Variants in GLDC observed in about 807,000 individuals in gnomAD.
The protein encoded by GLDC is glycine dehydrogenase (decarboxylating), mitochondrial.
A neutral mutation model predicts 121.3 loss-of-function variants in GLDC; 104 were observed. The observed-to-expected ratio is 0.86, with a 90% CI of 0.73 to 1.01. The LOEUF is 1.01. GLDC is among the 50% of genes least tolerant of loss of function. The pLI, the probability that GLDC is intolerant of heterozygous loss-of-function variation, is 0.00. For missense variants in GLDC, 1,429 were observed against 1,306.6 expected (o/e 1.09, Z -1.44); for synonymous variants, 546 against 480.6 (o/e 1.14, Z -1.78).
intron 3 of GLDC, among the ~76,000 whole-genome samples, chr9:6,612,073 T>C (rs1380155887): frequency 6.6e-6 from 1 of 152,116 alleles, no homozygotes; most frequent in Non-Finnish European, 1.5e-5. Flanking sequence ...CCATGTATTG[T>C]GTGCCTCATT....
intron 16 of GLDC, among the ~76,000 whole-genome samples, chr9:6,560,750 A>T (rs1450588159): frequency 6.6e-6 from 1 of 152,250 alleles, no homozygotes; most frequent in Non-Finnish European, 1.5e-5. Flanking sequence ...TACACTGAAT[A>T]ACGGGCTCCC....
chr9:6,633,034 T>G (rs1819421827), intron 2 of GLDC, among the ~76,000 whole-genome samples: 2 of 152,166 alleles, frequency 1.3e-5, no homozygotes, highest in Non-Finnish European at 2.9e-5. Flanking sequence ...ATAGCTCTTC[T>G]GAAATTCACT....
chr9:6,590,788 T>A (rs1818360272), intron 11 of GLDC, among the ~76,000 whole-genome samples: 1 of 152,210 alleles, frequency 6.6e-6, no homozygotes, highest in Non-Finnish European at 1.5e-5. Context: ...ATATCTGTGA[T>A]TAAATTTAGT....
chr9:6,645,306 C>G lies in GLDC; in HGVS notation c.194G>C (p.Arg65Pro). 1 of 1,596,322 alleles carries G rather than the reference C, an allele frequency of 6.3e-7. No individual in the cohort carries two copies. Among genetic ancestry groups the G allele is most frequent in the Non-Finnish European group, 8.5e-7 (1 of 1,172,942 alleles). ...RLLPRHDDFA[R>P]RHIGPGDKDQ... ...TTTGTCCCCAGGGCCGATGTGCCTCCGAGCGAAGTCGTCGTGTCTGGGCAG... is the reference window on the plus strand; with the variant it reads ...TTTGTCCCCAGGGCCGATGTGCCTCGGAGCGAAGTCGTCGTGTCTGGGCAG... Residue 65 changes from arginine (R) to proline (P), a missense_variant, in exon 1 of 25, where the codon CGG becomes CCG. Transcript: ENST00000321612.
At chr9:6,570,454 T>C (rs1224857846) in intron 15 of GLDC, among the ~76,000 whole-genome samples, 1 of 152,224 alleles carries the variant, frequency 6.6e-6, no homozygotes, top group East Asian at 1.9e-4. Flanking sequence ...CACACCATCA[T>C]AGTTTGTGCA....
chr9:6,596,073 G>A (rs566507479), intron 8 of GLDC, among the ~76,000 whole-genome samples: 1 of 152,316 alleles, frequency 6.6e-6, no homozygotes, highest in African/African-American at 2.4e-5. Context: ...ACAACAATCA[G>A]AAATAAACAC....
At position 6,605,195 on chromosome 9, in the gene GLDC, T is replaced by A; in HGVS notation, c.797A>T (p.Tyr266Phe). 2 of 1,613,680 alleles carry A rather than the reference T, an allele frequency of 1.2e-6. No individual in the cohort carries two copies. The highest frequency in any genetic ancestry group is 1.7e-6 in the Non-Finnish European group (2 of 1,179,736). Residue 266 changes from tyrosine (Y) to phenylalanine (F), a missense_variant, in exon 6 of 25, where the codon TAC becomes TTC. Physicochemically the swap from Tyr to Phe is conservative, Grantham distance 22 (BLOSUM62 3). Coordinates refer to ENST00000321612, the MANE Select transcript of GLDC (RefSeq NM_000170.3). ...TTCCACCTTCCCCTCCGTGTCTGGG[T>A]ACTGGAACAACACTCCACTGACATC... ...GKDVSGVLFQ[Y>F]PDTEGKVEDF...
At chr9:6,619,203 T>C (rs1430439282) in intron 3 of GLDC, among the ~76,000 whole-genome samples, 2 of 143,172 alleles carry the variant, frequency 1.4e-5, no homozygotes. Flanking sequence ...CTTATCTAAC[T>C]GTTGAGGTAA....
chr9:6,612,586 C>T (rs11788649), intron 3 of GLDC, among the ~76,000 whole-genome samples: 15,413 of 151,782 alleles, frequency 0.1, 921 homozygotes, highest in Admixed American at 0.14. Flanking sequence ...TCAGGCCAGG[C>T]GCAGTGGCTC....
intron 15 of GLDC, among the ~76,000 whole-genome samples, chr9:6,576,308 G>A (rs1294663203): frequency 6.6e-6 from 1 of 152,146 alleles, no homozygotes; most frequent in Non-Finnish European, 1.5e-5. Flanking sequence ...TGGTCTTGCT[G>A]TGTCCTCACA....
intron 3 of GLDC, among the ~76,000 whole-genome samples, chr9:6,610,882 G>A (rs1317013510): frequency 1.3e-5 from 2 of 152,208 alleles, no homozygotes; most frequent in Non-Finnish European, 2.9e-5. Flanking sequence ...TTATAGGCAT[G>A]AGCCACTGCA....
intron 15 of GLDC, among the ~76,000 whole-genome samples, chr9:6,582,270 G>A (rs1818184570): frequency 6.8e-6 from 1 of 147,154 alleles, no homozygotes; most frequent in South Asian, 2.2e-4. Context: ...TGTAACCCCA[G>A]CACTTTGGGA....
Position 6,604,684 on chromosome 9 carries a change from C to A in GLDC, c.962G>T (p.Gly321Val). 1 of 1,614,086 alleles carries A rather than the reference C, an allele frequency of 6.2e-7. No individual in the cohort carries two copies. Among genetic ancestry groups the A allele is most frequent in the Non-Finnish European group, 8.5e-7 (1 of 1,179,942 alleles). ...GGGTCCCCCATAGCCCAGTGGCACTCCAAATCTCTGGGAGCTGCCCAGGGC... is the reference window on the plus strand; with the variant it reads ...GGGTCCCCCATAGCCCAGTGGCACTACAAATCTCTGGGAGCTGCCCAGGGC... ...DIALGSSQRF[G>V]VPLGYGGPHA... The change falls in exon 7 of 25, where the codon GGA (glycine) becomes GTA (valine). Residue 321 changes from glycine to valine, a missense_variant. Transcript: ENST00000321612.
Position 6,620,202 on chromosome 9 carries a change from A to G in GLDC, c.452T>C (p.Leu151Ser), listed in dbSNP as rs1819058900. The G allele has an allele frequency of 6.2e-7, 1 of 1,613,258 alleles. No individual in the cohort carries two copies. ...CSVPQTILRN[L>S]LENSGWITQY... ...ACATTACCATCCTGAGTTCTCCAGT[A>G]AGTTCCGCAAAATCGTCTGTGGCAC... The change falls in exon 3 of 25, where the codon TTA becomes TCA. Residue 151 changes from leucine (L) to serine (S), a missense_variant. Leu to Ser is a moderately radical substitution (Grantham distance 145). Transcript: ENST00000321612.
At chr9:6,595,146 C>T (rs1818467256) in intron 8 of GLDC, 27 bp from the exon 9 acceptor site, 4 of 1,437,036 alleles carry the variant, frequency 2.8e-6, no homozygotes, top group Non-Finnish European at 3.9e-6. Context: ...TTTAAAGAAT[C>T]ACGTGATGGA....
intron 2 of GLDC, among the ~76,000 whole-genome samples, chr9:6,627,161 T>G: frequency 6.6e-6 from 1 of 151,842 alleles, no homozygotes; most frequent in East Asian, 1.9e-4. Context: ...CCAGGTGTGT[T>G]GGCGGGCACC....
intron 2 of GLDC, among the ~76,000 whole-genome samples, chr9:6,629,951 A>ATTTT (rs1436418875): frequency 2.3e-4 from 17 of 74,212 alleles, no homozygotes; most frequent in Admixed American, 1.3e-3. Context: ...ATATGTATAT[A>ATTTT]TATATATTTT....
At chr9:6,550,080 A>C (rs924754380) in intron 21 of GLDC, among the ~76,000 whole-genome samples, 2 of 152,112 alleles carry the variant, frequency 1.3e-5, no homozygotes, top group African/African-American at 2.4e-5. Flanking sequence ...TCAGGCTCTC[A>C]TCGGCTACGC....
chr9:6,603,909 T>C (rs1818677771), intron 7 of GLDC, among the ~76,000 whole-genome samples: 1 of 152,062 alleles, frequency 6.6e-6, no homozygotes, highest in Non-Finnish European at 1.5e-5. Context: ...TTTGTATTTT[T>C]AGTAAAGACA....
Sources: gnomAD v4.1 joint callset for allele counts (sites outside exome capture counted in the v4.1 genomes callset) on GRCh38, gnomAD v4.1.1 for gene constraint, MANE v1.5 for transcripts, NCBI Gene and HGNC (gene_info 2026-07-23, HGNC 2026-07-21) for gene names.